The following SPATA31E1 variants were observed in gnomAD, a reference collection of about 807,000 sequenced individuals.
SPATA31E1 encodes the protein spermatogenesis-associated protein 31E1.
SPATA31E1 carries 7 observed loss-of-function variants against 12.9 expected under a neutral mutation model. The observed-to-expected ratio is 0.54, with a 90% CI of 0.31 to 1.02. SPATA31E1 has a LOEUF of 1.02. Among genes scored for constraint, SPATA31E1 ranks in the 50% least tolerant of loss-of-function variants. The probability of loss-of-function intolerance (pLI) is 0.05; values close to 1 mark genes in which losing one functional copy is unlikely to be tolerated. For synonymous variants in SPATA31E1, 771 were observed against 719.0 expected (o/e 1.07, Z -1.16); for missense variants, 1,961 against 1,799.8 (o/e 1.09, Z -1.62).
Position 87,887,138 on chromosome 9 carries a change from G to T in SPATA31E1, c.2651G>T (p.Arg884Leu), listed in dbSNP as rs778800039. The change falls in exon 4 of 4, where the codon CGG becomes CTG. Residue 884 changes from arginine (R) to leucine (L), a missense_variant. Transcript: ENST00000325643. ...TFTPWASWVS[R>L]VESVPKVPIF... ...ACCCCCTGGGCCTCCTGGGTATCTC[G>T]GGTTGAATCTGTACCCAAGGTTCCC... The T allele has an allele frequency of 6.2e-7, 1 of 1,614,052 alleles. No homozygotes were observed. The highest frequency in any genetic ancestry group is 8.5e-7 in the Non-Finnish European group (1 of 1,180,016).
Position 87,885,606 on chromosome 9 carries a change from A to T in SPATA31E1, c.1119A>T (p.Ala373=), listed in dbSNP as rs780574227. The T allele has an allele frequency of 5.0e-6, 8 of 1,613,980 alleles. No homozygotes were observed. In the Admixed American group the frequency reaches 8.3e-5, roughly 17 times the overall value. Residue 373 remains alanine, a synonymous_variant, in exon 4 of 4, where the codon GCA becomes GCT. Transcript: ENST00000325643. ...TGGAGACCCTCATCGCCAAGAGAGC[A>T]CTGATGAAGATGTGGCAGGAGAAAG... is the stretch of plus-strand genomic sequence containing the variant. ...KLLETLIAKR[A]LMKMWQEKER...
In SPATA31E1 at chr9:87,885,587, C is replaced by A. The variant is rs764330261; in HGVS notation, c.1100C>A (p.Thr367Asn). ...CCTGACGTGCAGAAGCTGCTGGAGA[C>A]CCTCATCGCCAAGAGAGCACTGATG... ...IHPDVQKLLETLIAKRALMKM... is the reference protein window; with the variant it reads ...IHPDVQKLLENLIAKRALMKM... Residue 367 changes from threonine to asparagine, a missense_variant, in exon 4 of 4, where the codon ACC becomes AAC. Coordinates refer to ENST00000325643, the MANE Select transcript of SPATA31E1 (RefSeq NM_178828.5). 3 of 1,614,032 alleles carry A rather than the reference C, an allele frequency of 1.9e-6. No homozygotes were observed. Among genetic ancestry groups the A allele is most frequent in the Admixed American group, 3.3e-5 (2 of 60,016 alleles).
Position 87,883,164 on chromosome 9 carries a change from C to G in SPATA31E1, c.273C>G (p.Pro91=), listed in dbSNP as rs1172692055. The change falls in exon 1 of 4, where the codon CCC becomes CCG. Residue 91 remains proline (P), a synonymous_variant. Transcript: ENST00000325643. ...LLLLYVHSDP[P]SPPPGRKRSS... ...TCCTCTACGTCCACAGTGACCCACC[C>G]TCACCCCCGCCCGGGAGGAAGAGGA... The G allele has an allele frequency of 6.3e-7, 1 of 1,587,370 alleles. No individual in the cohort carries two copies. The highest frequency in any genetic ancestry group is 2.3e-5 in the East Asian group (1 of 44,076).
chr9:87,888,306 TC>T lies in SPATA31E1; in HGVS notation c.3820del (p.Leu1274TyrfsTer99), dbSNP rs767783669. The T allele has an allele frequency of 2.5e-6, 4 of 1,613,702 alleles. No individual in the cohort carries two copies. The South Asian group carries it at 3.3e-5, about 13-fold the overall frequency. ...GAAAGATCAGTCACCATCCACAGGG[TC>T]TACACCCCAGGAAAGGAGGCACACG... ...QRKISHHPQG[L>X]HPRKGGTRWE... On this transcript the variant is annotated frameshift_variant, in exon 4 of 4. Transcript: ENST00000325643. LOFTEE classifies it low-confidence loss of function (END_TRUNC).
Position 87,888,552 on chromosome 9 carries a change from G to C in SPATA31E1, c.4065G>C (p.Val1355=). ...HKGDFRAQEN[V]PSCCHRGHCH... is the part of the protein sequence containing the mutation. ...GTGACTTCCGCGCCCAGGAGAATGTGCCTTCCTGCTGCCACAGGGGTCACT... is the reference window on the plus strand; with the variant it reads ...GTGACTTCCGCGCCCAGGAGAATGTCCCTTCCTGCTGCCACAGGGGTCACT... Residue 1355 remains valine (V), a synonymous_variant, in exon 4 of 4, where the codon GTG becomes GTC. Coordinates refer to ENST00000325643, the MANE Select transcript of SPATA31E1 (RefSeq NM_178828.5). The C allele has an allele frequency of 6.2e-7, 1 of 1,614,182 alleles. No individual in the cohort carries two copies. Among genetic ancestry groups the C allele is most frequent in the Non-Finnish European group, 8.5e-7 (1 of 1,180,036 alleles).
rs1564126930 is a variant in SPATA31E1 at position 87,883,006 on chromosome 9, G to A, written c.115G>A (p.Ala39Thr). 1 of 1,613,194 alleles carries A rather than the reference G, an allele frequency of 6.2e-7. No homozygotes were observed. Among genetic ancestry groups the A allele is most frequent in the Non-Finnish European group, 8.5e-7 (1 of 1,179,844 alleles). The change falls in exon 1 of 4, where the codon GCA becomes ACA. Residue 39 changes from alanine to threonine, a missense_variant. Coordinates refer to ENST00000325643, the MANE Select transcript of SPATA31E1 (RefSeq NM_178828.5). ...PSVECTGDDI[A>T]LQMEKMLFPL... ...TGTGGAGTGCACAGGAGACGACATTGCACTTCAGATGGAGAAAATGCTCTT... is the reference window on the plus strand; with the variant it reads ...TGTGGAGTGCACAGGAGACGACATTACACTTCAGATGGAGAAAATGCTCTT...
rs773954631 is a variant in SPATA31E1, at chr9:87,886,566, G to A, written c.2079G>A (p.Lys693=). Residue 693 remains lysine (K), a synonymous_variant, in exon 4 of 4, where the codon AAG becomes AAA. Coordinates refer to ENST00000325643, the MANE Select transcript of SPATA31E1 (RefSeq NM_178828.5). ...GGAAGGGCAGGAAGGATGTGCAGAAGACCGGGTTCAGGAGCTCCGGAAGGT... is the reference window on the plus strand; with the variant it reads ...GGAAGGGCAGGAAGGATGTGCAGAAAACCGGGTTCAGGAGCTCCGGAAGGT... The part of the protein sequence containing the change: ...FAGKGRKDVQ[K]TGFRSSGRFS... 20 of 1,613,968 alleles carry A rather than the reference G, an allele frequency of 1.2e-5. No individual in the cohort carries two copies. The highest frequency in any genetic ancestry group is 1.7e-5 in the Non-Finnish European group (20 of 1,180,032).
Position 87,887,285 on chromosome 9 carries a change from C to G in SPATA31E1, c.2798C>G (p.Pro933Arg). 1 of 1,613,908 alleles carries G rather than the reference C, an allele frequency of 6.2e-7. No homozygotes were observed. The highest frequency in any genetic ancestry group is 1.1e-5 in the South Asian group (1 of 91,076). ...CCTGAGCAGGAGGGAGTCCAGAGGC[C>G]CCCGAGAGGGTCCCAGTCAGCTGAT... is the stretch of plus-strand genomic sequence containing the variant. Reference protein sequence around the residue: ...PPPEQEGVQRPPRGSQSADTH... With the variant: ...PPPEQEGVQRRPRGSQSADTH... The change falls in exon 4 of 4, where the codon CCC becomes CGC. Residue 933 changes from proline (P) to arginine (R), a missense_variant. Pro to Arg is a moderately radical substitution (Grantham distance 103). Coordinates refer to ENST00000325643, the MANE Select transcript of SPATA31E1 (RefSeq NM_178828.5).
At position 87,885,976 on chromosome 9, in the gene SPATA31E1, C is replaced by T. The variant is rs777936297; in HGVS notation, c.1489C>T (p.Pro497Ser). 3.1e-6 allele frequency: 5 copies of T among 1,613,142 alleles called. No homozygotes were observed. The highest frequency in any genetic ancestry group is 3.3e-5 in the Admixed American group (2 of 59,986). The part of the protein sequence containing the change: ...SSQLSQAPPQ[P>S]HHMAQPQHFT... ...ACAGCTTTCCCAGGCACCGCCCCAG[C>T]CCCACCACATGGCCCAGCCCCAACA... is the stretch of plus-strand genomic sequence containing the variant. The change falls in exon 4 of 4, where the codon CCC becomes TCC. Residue 497 changes from proline to serine, a missense_variant. Transcript: ENST00000325643.
rs372218800 is a variant in SPATA31E1 at position 87,884,734 on chromosome 9, AG to A, written c.425+88del. 19 of 1,573,734 alleles carry A rather than the reference AG, an allele frequency of 1.2e-5. No individual in the cohort carries two copies. In the African/African-American group the frequency reaches 2.0e-4, roughly 17 times the overall value. On this transcript the variant is annotated intron_variant, in intron 3 of 3. Coordinates refer to ENST00000325643, the MANE Select transcript of SPATA31E1 (RefSeq NM_178828.5). ...CCCTACGGCCTGGTGGTGATCTGGG[AG>A]GGGGAGGTCCCGGGAAGGGGACAGG...
chr9:87,883,766 G>A (rs183908580), intron 1 of SPATA31E1, among the ~76,000 whole-genome samples: 2 of 152,352 alleles, frequency 1.3e-5, no homozygotes, highest in Non-Finnish European at 2.9e-5. Flanking sequence ...AGCAGGGACT[G>A]GGGACAGCCA....
At position 87,887,483 on chromosome 9, in the gene SPATA31E1, C is replaced by A; in HGVS notation, c.2996C>A (p.Ala999Glu). The A allele has an allele frequency of 1.2e-6, 2 of 1,613,920 alleles. No homozygotes were observed. Among genetic ancestry groups the A allele is most frequent in the Non-Finnish European group, 8.5e-7 (1 of 1,180,038 alleles). The change falls in exon 4 of 4, where the codon GCA becomes GAA. Residue 999 changes from alanine to glutamate, a missense_variant. Physicochemically the swap from Ala to Glu is moderately radical, Grantham distance 107. Coordinates refer to ENST00000325643, the MANE Select transcript of SPATA31E1 (RefSeq NM_178828.5). ...GGTTCAGAAATGGCTGGGAACGAGG[C>A]ATGGCTTGAGAGTGAGAGCATGTCC... ...SMGSEMAGNE[A>E]WLESESMSPG...
In SPATA31E1 at chr9:87,886,629, G is replaced by A. The variant is rs34971004; in HGVS notation, c.2142G>A (p.Pro714=). 698 of 1,613,976 alleles carry A rather than the reference G, an allele frequency of 4.3e-4. No individual in the cohort carries two copies. The African/African-American group carries it at 7.2e-3, about 17-fold the overall frequency. The change falls in exon 4 of 4, where the codon CCG becomes CCA. Residue 714 remains proline (P), a synonymous_variant. Coordinates refer to ENST00000325643, the MANE Select transcript of SPATA31E1 (RefSeq NM_178828.5). Reference sequence around the variant, plus strand: ...GGTGCTTAGGGTCCAAACTAGGGCCGGACCCAAGCCGGGATCAAGGCTCAG... The same window carrying A: ...GGTGCTTAGGGTCCAAACTAGGGCCAGACCCAAGCCGGGATCAAGGCTCAG... ...DKGCLGSKLG[P]DPSRDQGSGR... is the part of the protein sequence containing the mutation.
At chr9:87,884,812 G>C (rs1564127700) in intron 3 of SPATA31E1, 101 bp from the exon 4 acceptor site, 3 of 1,460,484 alleles carry the variant, frequency 2.1e-6, no homozygotes, top group South Asian at 1.3e-5. Context: ...GAAGTCAGCA[G>C]TTGGGGAGGT....
At position 87,886,442 on chromosome 9, in the gene SPATA31E1, A is replaced by C. The variant is rs61751918; in HGVS notation, c.1955A>C (p.Asp652Ala). Residue 652 changes from aspartate to alanine, a missense_variant, in exon 4 of 4, where the codon GAC becomes GCC. Physicochemically the swap from Asp to Ala is moderately radical, Grantham distance 126. Transcript: ENST00000325643. Reference protein sequence around the residue: ...GPPSRLQASGDLLQPDGEFPG... With the variant: ...GPPSRLQASGALLQPDGEFPG... ...CCCAGCAGATTGCAGGCATCTGGGGACCTGCTACAGCCTGATGGGGAATTC... is the reference window on the plus strand; with the variant it reads ...CCCAGCAGATTGCAGGCATCTGGGGCCCTGCTACAGCCTGATGGGGAATTC... The C allele has an allele frequency of 2.4e-3, 3,938 of 1,613,868 alleles. 96 individuals are homozygous for C. The African/African-American group carries it at 0.046, about 19-fold the overall frequency.
At chr9:87,884,818 G>C (rs993696669) in intron 3 of SPATA31E1, 95 bp from the exon 4 acceptor site, 2 of 1,464,024 alleles carry the variant, frequency 1.4e-6, no homozygotes, top group Admixed American at 4.1e-5. Context: ...AGCAGTTGGG[G>C]AGGTGGAGGA....
Position 87,885,486 on chromosome 9 carries a change from C to A in SPATA31E1, c.999C>A (p.Asp333Glu), listed in dbSNP as rs1244212104. 7.4e-6 allele frequency: 12 copies of A among 1,613,976 alleles called. No homozygotes were observed. The highest frequency in any genetic ancestry group is 1.7e-5 in the Admixed American group (1 of 60,008). Residue 333 changes from aspartate to glutamate, a missense_variant, in exon 4 of 4, where the codon GAC becomes GAA. Asp to Glu is a conservative substitution (Grantham distance 45). Transcript: ENST00000325643. ...HGKSQPRHLP[D>E]HTSEASFWGD... ...AATCCCAGCCACGGCATCTTCCCGACCACACCTCAGAGGCTTCCTTCTGGG... is the reference window on the plus strand; with the variant it reads ...AATCCCAGCCACGGCATCTTCCCGAACACACCTCAGAGGCTTCCTTCTGGG...
At chr9:87,884,864 C>T (rs2117874769) in intron 3 of SPATA31E1, 49 bp from the exon 4 acceptor site, 1 of 1,556,614 alleles carries the variant, frequency 6.4e-7, no homozygotes, top group Non-Finnish European at 8.7e-7. Flanking sequence ...TCCCAGCTTC[C>T]CGGCCCCATC....
In SPATA31E1 at chr9:87,886,779, G is replaced by A; in HGVS notation, c.2292G>A (p.Lys764=). The part of the protein sequence containing the change: ...RDPDKEHLEN[K]LQIHLARKVG... ...CAGACAAGGAGCATCTGGAAAACAAGCTGCAAATCCATCTGGCCAGGAAGG... is the reference window on the plus strand; with the variant it reads ...CAGACAAGGAGCATCTGGAAAACAAACTGCAAATCCATCTGGCCAGGAAGG... Residue 764 remains lysine, a synonymous_variant, in exon 4 of 4, where the codon AAG becomes AAA. Transcript: ENST00000325643. The A allele has an allele frequency of 6.2e-7, 1 of 1,614,082 alleles. No individual in the cohort carries two copies. Among genetic ancestry groups the A allele is most frequent in the Non-Finnish European group, 8.5e-7 (1 of 1,180,046 alleles).
Sources: gnomAD v4.1 joint callset for allele counts (sites outside exome capture counted in the v4.1 genomes callset) on GRCh38, gnomAD v4.1.1 for gene constraint, MANE v1.5 for transcripts, NCBI Gene and HGNC (gene_info 2026-07-23, HGNC 2026-07-21) for gene names.